The following GSE1 variants were observed in gnomAD, a reference collection of about 807,000 sequenced individuals.
GSE1 encodes the protein Gse1 coiled-coil protein.
Under a neutral mutation model 112.6 loss-of-function variants are expected in GSE1, and 32 were observed. The observed-to-expected ratio is 0.28, with a 90% CI of 0.21 to 0.38. The LOEUF (loss-of-function observed/expected upper bound fraction) is 0.38, where lower values mean the gene tolerates loss of function less well. Ranked by LOEUF, GSE1 falls within the 10% of genes least tolerant of loss-of-function variation. GSE1 has a pLI of 1.00. For synonymous variants in GSE1, 1,115 were observed against 735.6 expected, an observed-to-expected ratio of 1.52 and a Z score of -8.35; for missense variants, 2,348 against 1,699.2, an observed-to-expected ratio of 1.38 and a Z score of -6.71.
intron 1 of GSE1, among the ~76,000 whole-genome samples, chr16:85,619,830 A>G (rs2151621021): frequency 6.6e-6 from 1 of 152,196 alleles, no homozygotes; most frequent in East Asian, 1.9e-4. Flanking sequence ...CAGGGAAGAA[A>G]GGGGCCCCGG....
At chr16:85,276,319 C>G (rs1172548632) in intron 1 of GSE1, among the ~76,000 whole-genome samples, 1 of 137,782 alleles carries the variant, frequency 7.3e-6, no homozygotes, top group African/African-American at 2.7e-5. Flanking sequence ...GAAGGGGAAA[C>G]TGAGGTAGGA....
At position 85,216,095 on chromosome 16, in the gene GSE1, C is replaced by G. The variant is rs893561997; in HGVS notation, c.2283+44288C>G. Among the ~76,000 whole-genome samples, 4 of 152,248 alleles carry G rather than the reference C, an allele frequency of 2.6e-5. No individual in the cohort carries two copies. In the East Asian group the frequency reaches 7.7e-4, roughly 29 times the overall value. On this transcript the variant is annotated intron_variant, in intron 1 of 2. Coordinates refer to the GSE1 transcript ENST00000637419. ...ACCCTGCCTCTGCCTGCTCCCAGGA[C>G]TGAGCGAGAGGGTGGCCCAGCCCAG... is the stretch of plus-strand genomic sequence containing the variant.
intron 1 of GSE1, among the ~76,000 whole-genome samples, chr16:85,246,512 C>G (rs1188110097): frequency 2.8e-5 from 3 of 108,812 alleles, no homozygotes; most frequent in East Asian, 2.9e-4. Flanking sequence ...CCCCCCCCCC[C>G]CGACGCTGTC....
intron 1 of GSE1, among the ~76,000 whole-genome samples, chr16:85,238,271 C>A (rs927713583): frequency 6.6e-6 from 1 of 152,186 alleles, no homozygotes; most frequent in Admixed American, 6.5e-5. Context: ...ACAGAGTCCC[C>A]CTCCAGCATC....
At chr16:85,556,764 A>AG (rs2045242882) in intron 1 of GSE1, among the ~76,000 whole-genome samples, 1 of 21,964 alleles carries the variant, frequency 4.6e-5, no homozygotes. Flanking sequence ...CCCCCCCCCC[A>AG]GTCCTGGGGT....
At chr16:85,550,085 T>G (rs1006608873) in intron 2 of GSE1, among the ~76,000 whole-genome samples, 4 of 152,178 alleles carry the variant, frequency 2.6e-5, no homozygotes, top group Non-Finnish European at 4.4e-5. Flanking sequence ...ATTACACGTA[T>G]CTTCCTGGAG....
intron 1 of GSE1, among the ~76,000 whole-genome samples, chr16:85,335,225 C>G (rs1423417901): frequency 6.6e-6 from 1 of 152,258 alleles, no homozygotes; most frequent in Admixed American, 6.5e-5. Flanking sequence ...CCGGGAGGCC[C>G]CAGCTCTGAG....
At chr16:85,220,755 TTC>T (rs2075377045) in intron 1 of GSE1, among the ~76,000 whole-genome samples, 1 of 152,192 alleles carries the variant, frequency 6.6e-6, no homozygotes, top group Admixed American at 6.5e-5. Flanking sequence ...CTCTATCCCT[TTC>T]TCTCTCCTTG....
chr16:85,371,343 T>C (rs1182643231), intron 2 of GSE1, among the ~76,000 whole-genome samples: 10 of 152,096 alleles, frequency 6.6e-5, no homozygotes, highest in African/African-American at 2.2e-4. Context: ...CTTGGGACAG[T>C]GCCCAGACTT....
At chr16:85,230,021 C>G (rs1425129126) in intron 1 of GSE1, among the ~76,000 whole-genome samples, 1 of 152,222 alleles carries the variant, frequency 6.6e-6, no homozygotes, top group Non-Finnish European at 1.5e-5. Flanking sequence ...GGAACGTTAT[C>G]TGCCTCCTCA....
upstream of GSE1, among the ~76,000 whole-genome samples, chr16:85,553,254 G>T (rs1281469794): frequency 6.7e-6 from 1 of 149,524 alleles, no homozygotes; most frequent in East Asian, 2.0e-4. Flanking sequence ...GGGCAGGGAG[G>T]GCAGGTGCCG....
At chr16:85,493,790 C>CAAAAAA (rs61555687) in intron 2 of GSE1, among the ~76,000 whole-genome samples, 3 of 84,418 alleles carry the variant, frequency 3.6e-5, no homozygotes, top group Non-Finnish European at 6.8e-5. Flanking sequence ...GACTCCGTCT[C>CAAAAAA]AAAAAAAAAA....
At chr16:85,489,119 A>G (rs574962053) in intron 2 of GSE1, among the ~76,000 whole-genome samples, 1 of 152,308 alleles carries the variant, frequency 6.6e-6, no homozygotes, top group South Asian at 2.1e-4. Context: ...AGCTACCCAC[A>G]GCCTGGGCAA....
intron 1 of GSE1, among the ~76,000 whole-genome samples, chr16:85,341,717 C>T (rs1306899077): frequency 6.6e-6 from 1 of 152,108 alleles, no homozygotes; most frequent in Non-Finnish European, 1.5e-5. Context: ...CCAGGCTGGT[C>T]TCAAACTCCT....
chr16:85,425,426 G>GC (rs1189541486), intron 2 of GSE1, among the ~76,000 whole-genome samples: 3 of 152,014 alleles, frequency 2.0e-5, no homozygotes, highest in Non-Finnish European at 4.4e-5. Flanking sequence ...AGGCAGGTGT[G>GC]CTGCCGGGCT....
intron 2 of GSE1, among the ~76,000 whole-genome samples, chr16:85,470,411 C>T (rs184319197): frequency 2.1e-4 from 31 of 147,756 alleles, no homozygotes; most frequent in East Asian, 9.8e-4. Flanking sequence ...CCCGAGGCCC[C>T]GGACGCAGAG....
chr16:85,618,622 T>G (rs1173286357), intron 1 of GSE1, among the ~76,000 whole-genome samples: 1 of 152,260 alleles, frequency 6.6e-6, no homozygotes, highest in Non-Finnish European at 1.5e-5. Context: ...GTACAGCACC[T>G]GACACAGGCT....
chr16:85,525,366 C>T (rs1598065308), intron 2 of GSE1, among the ~76,000 whole-genome samples: 1 of 152,164 alleles, frequency 6.6e-6, no homozygotes. Context: ...GAGGGAAGGG[C>T]GGCTGTGGGA....
intron 2 of GSE1, among the ~76,000 whole-genome samples, chr16:85,640,374 G>T (rs1223048354): frequency 1.3e-5 from 2 of 152,238 alleles, no homozygotes; most frequent in Non-Finnish European, 2.9e-5. Flanking sequence ...AGCCCGGCTT[G>T]GGCCACAGGG....
Sources: gnomAD v4.1 joint callset for allele counts (sites outside exome capture counted in the v4.1 genomes callset) on GRCh38, gnomAD v4.1.1 for gene constraint, MANE v1.5 for transcripts, NCBI Gene and HGNC (gene_info 2026-07-23, HGNC 2026-07-21) for gene names.